The following LRTM1 variants were observed in gnomAD, a reference collection of about 807,000 sequenced individuals.
LRTM1 encodes leucine rich repeat transmembrane protein 1.
LRTM1 carries 38 observed loss-of-function variants against 32.4 expected under a neutral mutation model. The ratio of observed to expected loss-of-function variants is 1.17; its 90% CI spans 0.91 to 1.54. LRTM1 has a LOEUF of 1.54. LRTM1 is among the 40% of genes most tolerant of loss of function. LRTM1 has a pLI of 0.00. For synonymous variants in LRTM1, 186 were observed against 169.9 expected (o/e 1.09, Z -0.74); for missense variants, 466 against 415.4 (o/e 1.12, Z -1.06).
upstream of LRTM1, among the ~76,000 whole-genome samples, chr3:54,932,509 G>T (rs115833508): frequency 6.6e-6 from 1 of 152,110 alleles, no homozygotes; most frequent in African/African-American, 2.4e-5. Flanking sequence ...AAATTAAGAA[G>T]CAAGTAAAGG....
At chr3:54,942,147 C>A (rs1467607516) in intron 1 of LRTM1, among the ~76,000 whole-genome samples, 1 of 152,200 alleles carries the variant, frequency 6.6e-6, no homozygotes, top group Non-Finnish European at 1.5e-5. Context: ...CATCCCAGAG[C>A]ATCTGCAGAA....
chr3:54,954,345 C>T (rs1701829433), intron 1 of LRTM1, among the ~76,000 whole-genome samples: 1 of 152,184 alleles, frequency 6.6e-6, no homozygotes, highest in African/African-American at 2.4e-5. Flanking sequence ...GGGAGGCTGT[C>T]TCCTTTCTGG....
In LRTM1 at chr3:54,924,644, G is replaced by T; in HGVS notation, c.579C>A (p.Leu193=). 6.2e-7 allele frequency: 1 copy of T among 1,613,954 alleles called. No homozygotes were observed. The highest frequency in any genetic ancestry group is 1.3e-5 in the African/African-American group (1 of 75,032). The part of the protein sequence containing the change: ...KCNCHLLGLK[L]WLEKFVYKGG... ...CTTTATAGACAAATTTCTCCAGCCAGAGTTTAAGACCGAGCAAGTGGCAAT... is the reference window on the plus strand; with the variant it reads ...CTTTATAGACAAATTTCTCCAGCCATAGTTTAAGACCGAGCAAGTGGCAAT... The change falls in exon 2 of 3, where the codon CTC becomes CTA. Residue 193 remains leucine, a synonymous_variant. Coordinates refer to ENST00000273286, the MANE Select transcript of LRTM1 (RefSeq NM_020678.4).
upstream of LRTM1, among the ~76,000 whole-genome samples, chr3:54,928,887 A>G (rs1701107100): frequency 6.6e-6 from 1 of 152,088 alleles, no homozygotes; most frequent in South Asian, 2.1e-4. Context: ...ACTCTTCTCT[A>G]ATTGAAGCTT....
chr3:54,937,342 T>A (rs1701355746), intron 1 of LRTM1, among the ~76,000 whole-genome samples: 1 of 152,224 alleles, frequency 6.6e-6, no homozygotes, highest in Admixed American at 6.5e-5. Flanking sequence ...AAATTCATTA[T>A]ACCACTATGC....
At chr3:54,962,992 A>G (rs541137052) in intron 1 of LRTM1, among the ~76,000 whole-genome samples, 30 of 152,336 alleles carry the variant, frequency 2.0e-4, no homozygotes, top group African/African-American at 7.2e-4. Context: ...TGTGAGTTTC[A>G]GATTACACTT....
rs190828687 is a variant in LRTM1, at chr3:54,955,592, T to A, written c.-222+11336A>T. Among the ~76,000 whole-genome samples the A allele has an allele frequency of 7.9e-3, 1,196 of 152,262 alleles. 22 individuals carry two copies. Among genetic ancestry groups the A allele is most frequent in the African/African-American group, 0.026 (1,086 of 41,536 alleles). On this transcript the variant is annotated intron_variant, in intron 1 of 2. Coordinates refer to the LRTM1 transcript ENST00000493075. ...ATTCTGAGGCAGCTTCTAAGGTCTA[T>A]CAGCATGTCAAAGCTCCAGTCTTTG...
chr3:54,918,845 C>G lies in LRTM1; in HGVS notation c.652G>C (p.Gly218Arg), dbSNP rs1700747557. 1 of 1,580,048 alleles carries G rather than the reference C, an allele frequency of 6.3e-7. No individual in the cohort carries two copies. Among genetic ancestry groups the G allele is most frequent in the African/African-American group, 1.4e-5 (1 of 73,956 alleles). Reference sequence around the variant, plus strand: ...TGAGGGATCCTAAGGAGGTCCTTTCCCTTCCAGGTGTCTGGTGATTCACAG... The same window carrying G: ...TGAGGGATCCTAAGGAGGTCCTTTCGCTTCCAGGTGTCTGGTGATTCACAG... ...IICESPDTWK[G>R]KDLLRIPHEL... The change falls in exon 3 of 3, where the codon GGA becomes CGA. Residue 218 changes from glycine (G) to arginine (R), a missense_variant. Coordinates refer to ENST00000273286, the MANE Select transcript of LRTM1 (RefSeq NM_020678.4).
rs374698910 is a variant in LRTM1, at chr3:54,952,721, G to A, written c.-222+14207C>T. On this transcript the variant is annotated intron_variant, in intron 1 of 2. Transcript: ENST00000493075. The stretch of plus-strand genomic sequence containing the variant: ...CCCGCATAGTTCCCTCCAGCTTCCA[G>A]ATGGGAAAGCTCTCTCATCTGTTTT... Among the ~76,000 whole-genome samples the A allele has an allele frequency of 1.1e-4, 16 of 152,304 alleles. No individual in the cohort carries two copies. In the East Asian group the frequency reaches 2.7e-3, roughly 26 times the overall value.
intron 1 of LRTM1, among the ~76,000 whole-genome samples, chr3:54,933,869 A>T (rs944578261): frequency 2.0e-5 from 3 of 151,880 alleles, no homozygotes; most frequent in African/African-American, 7.3e-5. Context: ...CCCAGGTTCA[A>T]GCAATTCTCC....
rs145345850 is a variant in LRTM1, at chr3:54,955,617, G to A, written c.-222+11311C>T. ...TCAGCATGTCAAAGCTCCAGTCTTT[G>A]GGATATCATTCTTTGAGTCCCAACA... On this transcript the variant is annotated intron_variant, in intron 1 of 2. Transcript: ENST00000493075. 3.9e-3 allele frequency among the ~76,000 whole-genome samples: 590 copies of A among 152,236 alleles called. 6 individuals are homozygous for A. The highest frequency in any genetic ancestry group is 0.013 in the African/African-American group (550 of 41,542).
At chr3:54,954,825 G>A (rs374479015) in intron 1 of LRTM1, among the ~76,000 whole-genome samples, 7 of 152,322 alleles carry the variant, frequency 4.6e-5, no homozygotes, top group African/African-American at 1.7e-4. Flanking sequence ...GAGCCAGGGG[G>A]TGCCAGGAAT....
At chr3:54,934,255 A>G (rs1293074425) in intron 1 of LRTM1, among the ~76,000 whole-genome samples, 1 of 152,166 alleles carries the variant, frequency 6.6e-6, no homozygotes, top group East Asian at 1.9e-4. Context: ...TACACAACCC[A>G]TTCTTTTGAC....
chr3:54,960,109 A>G (rs1164849714), intron 1 of LRTM1, among the ~76,000 whole-genome samples: 2 of 151,818 alleles, frequency 1.3e-5, no homozygotes, highest in Non-Finnish European at 2.9e-5. Context: ...TGATTATGAA[A>G]GAAATGTGTG....
At chr3:54,920,344 G>A (rs907603790) in intron 2 of LRTM1, among the ~76,000 whole-genome samples, 6 of 152,184 alleles carry the variant, frequency 3.9e-5, no homozygotes, top group Admixed American at 2.0e-4. Context: ...ACACACCAGG[G>A]TGAGTGGCAG....
chr3:54,951,494 G>A (rs1035798298), intron 1 of LRTM1, among the ~76,000 whole-genome samples: 2 of 152,206 alleles, frequency 1.3e-5, no homozygotes, highest in African/African-American at 4.8e-5. Context: ...CTGCTGTCCT[G>A]TGAGTTGTAG....
At chr3:54,921,115 A>G (rs1484440825) in intron 2 of LRTM1, among the ~76,000 whole-genome samples, 1 of 152,172 alleles carries the variant, frequency 6.6e-6, no homozygotes, top group Non-Finnish European at 1.5e-5. Context: ...CTTCTAGATT[A>G]ATGTAACTGA....
intron 1 of LRTM1, among the ~76,000 whole-genome samples, chr3:54,965,041 G>A (rs987742608): frequency 1.3e-5 from 2 of 152,038 alleles, no homozygotes; most frequent in Non-Finnish European, 2.9e-5. Flanking sequence ...TGGCACCAAC[G>A]GCAGATGTCA....
intron 1 of LRTM1, among the ~76,000 whole-genome samples, chr3:54,939,244 A>G (rs956188470): frequency 6.6e-6 from 1 of 152,180 alleles, no homozygotes; most frequent in African/African-American, 2.4e-5. Context: ...CCACCACTCC[A>G]GGGTAGGAAC....
Sources: allele counts gnomAD v4.1 joint callset (sites outside exome capture counted in the v4.1 genomes callset), GRCh38; gene constraint gnomAD v4.1.1; transcripts MANE v1.5; gene names NCBI Gene and HGNC (gene_info 2026-07-23, HGNC 2026-07-21).